Variants in RALGAPA1 observed in about 807,000 individuals in gnomAD.
The protein encoded by RALGAPA1 is ral GTPase-activating protein subunit alpha-1.
In RALGAPA1, 52 loss-of-function variants were observed where a neutral mutation model predicts 269.6. The ratio of observed to expected loss-of-function variants is 0.19; its 90% confidence interval spans 0.15 to 0.24. RALGAPA1 has a LOEUF of 0.24. RALGAPA1 is among the 10% of genes least tolerant of loss of function. The probability of loss-of-function intolerance (pLI) is 1.00; values close to 1 mark genes in which losing one functional copy is unlikely to be tolerated. For missense variants in RALGAPA1, 1,917 were observed against 3,013.9 expected, an observed-to-expected ratio of 0.64 and a Z score of 8.52; for synonymous variants, 817 against 1,008.3, an observed-to-expected ratio of 0.81 and a Z score of 3.60.
intron 39 of RALGAPA1, among the ~76,000 whole-genome samples, chr14:35,556,711 T>C (rs1237251652): frequency 6.6e-6 from 1 of 152,188 alleles, no homozygotes; most frequent in African/African-American, 2.4e-5. Context: ...CAAGTCTATA[T>C]TGTTTTCACT....
intron 4 of RALGAPA1, among the ~76,000 whole-genome samples, chr14:35,770,311 C>T (rs926352503): frequency 1.2e-4 from 19 of 152,238 alleles, no homozygotes; most frequent in Middle Eastern, 3.4e-3. Flanking sequence ...GCTAAAATCA[C>T]ATATAATGGT....
chr14:35,764,535 T>A (rs1279317253), intron 4 of RALGAPA1, among the ~76,000 whole-genome samples: 1 of 151,932 alleles, frequency 6.6e-6, no homozygotes, highest in Non-Finnish European at 1.5e-5. Context: ...TAAGTTTTAT[T>A]TATTTATTTA....
chr14:35,673,028 A>G lies in RALGAPA1; in HGVS notation c.4918-6T>C. The G allele has an allele frequency of 6.9e-7, 1 of 1,457,356 alleles. No individual in the cohort carries two copies. Among genetic ancestry groups the G allele is most frequent in the East Asian group, 2.6e-5 (1 of 38,588 alleles). The allele number at this position is 1,457,356 out of a possible 1,614,324, so 90.3% of individuals were successfully genotyped here. A position where few individuals can be genotyped will look rare whatever the true frequency, so the allele number is the denominator to read the frequency against. ...TTATCAGTCAACATGGTTGCCTAAA[A>G]TTAAAAGATCAGTTTTAATGTTCAA... On this transcript the variant is annotated splice_polypyrimidine_tract_variant and splice_region_variant and intron_variant, in intron 24 of 41. Coordinates refer to ENST00000680220, the MANE Select transcript of RALGAPA1 (RefSeq NM_001346249.2).
rs373460239 is a variant in RALGAPA1, at chr14:35,756,881, G to A, written c.575C>T (p.Pro192Leu). Residue 192 changes from proline to leucine, a missense_variant, in exon 7 of 42, where the codon CCT (proline) becomes CTT (leucine). Physicochemically the swap from Pro to Leu is moderately conservative, Grantham distance 98 (BLOSUM62 -3). This residue lies in a region of RALGAPA1 where 462 missense variants were observed against 725.6 expected (regional missense o/e 0.64). Coordinates refer to ENST00000680220, the MANE Select transcript of RALGAPA1 (RefSeq NM_001346249.2). Reference sequence around the variant, plus strand: ...ATCTCCTGATTGTGGGGGGACAAGAGGAGTGATTTCTTCTATAGTGACTTG... The same window carrying A: ...ATCTCCTGATTGTGGGGGGACAAGAAGAGTGATTTCTTCTATAGTGACTTG... ...ETQVTIEEITPLVPPQSGDKG... is the reference protein window; with the variant it reads ...ETQVTIEEITLLVPPQSGDKG... 3.0e-5 allele frequency: 49 copies of A among 1,610,424 alleles called. No individual in the cohort carries two copies. Among genetic ancestry groups the A allele is most frequent in the Non-Finnish European group, 4.0e-5 (47 of 1,178,232 alleles).
At chr14:35,644,925 A>G (rs2062293178) in intron 31 of RALGAPA1, among the ~76,000 whole-genome samples, 1 of 152,196 alleles carries the variant, frequency 6.6e-6, no homozygotes, top group Non-Finnish European at 1.5e-5. Flanking sequence ...AAAATAAAAT[A>G]AGAATTGGAG....
chr14:35,541,916 A>T, intron 41 of RALGAPA1: 1 of 633,526 alleles, frequency 1.6e-6, no homozygotes, highest in Non-Finnish European at 2.5e-6. Context: ...TTAACTGAGG[A>T]GCAGAGAGAG....
intron 1 of RALGAPA1, among the ~76,000 whole-genome samples, chr14:35,793,635 AT>A (rs1567243572): frequency 6.6e-6 from 1 of 152,172 alleles, no homozygotes; most frequent in Non-Finnish European, 1.5e-5. Context: ...AATTAAAAAA[AT>A]GTTTTAACCA....
chr14:35,686,420 T>C, intron 19 of RALGAPA1, 122 bp downstream of exon 19: 1 of 738,456 alleles, frequency 1.4e-6, no homozygotes, highest in Non-Finnish European at 2.0e-6. Context: ...GGGTTATATT[T>C]TGAGGAAAGG....
At position 35,728,406 on chromosome 14, in the gene RALGAPA1, A is replaced by C. The variant is rs751166945; in HGVS notation, c.1692T>G (p.Ile564Met). The change falls in exon 13 of 42, where the codon ATT (isoleucine) becomes ATG (methionine). Residue 564 changes from isoleucine (I) to methionine (M), a missense_variant. Physicochemically the swap from Ile to Met is conservative, Grantham distance 10. This residue lies in a region of RALGAPA1 where 462 missense variants were observed against 725.6 expected (regional missense o/e 0.64). Transcript: ENST00000680220. ...ATACTTGTACAACCATGTACCGATA[A>C]ATGTTAAGAATGCGTTTACACATAT... The part of the protein sequence containing the change: ...HTDMCKRILN[I>M]YRYMVVQVSM... The C allele has an allele frequency of 3.1e-6, 5 of 1,596,538 alleles. No individual in the cohort carries two copies. The Middle Eastern group carries it at 8.8e-4, about 280-fold the overall frequency.
intron 36 of RALGAPA1, among the ~76,000 whole-genome samples, chr14:35,602,208 T>C (rs1229971453): frequency 6.6e-6 from 1 of 152,206 alleles, no homozygotes; most frequent in African/African-American, 2.4e-5. Flanking sequence ...GTTTAGCCAT[T>C]CATCCATTGA....
intron 19 of RALGAPA1, 88 bp from the exon 20 acceptor site, chr14:35,685,233 T>A: frequency 8.5e-7 from 1 of 1,180,536 alleles, no homozygotes; most frequent in South Asian, 1.6e-5. Context: ...ACCATCACAA[T>A]AAATGCTGAG....
intron 1 of RALGAPA1, among the ~76,000 whole-genome samples, chr14:35,794,246 G>T (rs528048852): frequency 6.6e-6 from 1 of 152,054 alleles, no homozygotes; most frequent in African/African-American, 2.4e-5. Context: ...AGGTCGAGGC[G>T]GTCAGATAAC....
At chr14:35,769,693 G>A (rs1260913738) in intron 4 of RALGAPA1, among the ~76,000 whole-genome samples, 1 of 151,950 alleles carries the variant, frequency 6.6e-6, no homozygotes, top group African/African-American at 2.4e-5. Context: ...ATTACTCTAA[G>A]GAATAACTTG....
At chr14:35,765,077 T>G (rs2074036793) in intron 4 of RALGAPA1, among the ~76,000 whole-genome samples, 1 of 152,188 alleles carries the variant, frequency 6.6e-6, no homozygotes, top group African/African-American at 2.4e-5. Context: ...TAGTACTATT[T>G]CGGGATTTAT....
At chr14:35,631,429 A>G (rs1188966886) in intron 33 of RALGAPA1, among the ~76,000 whole-genome samples, 1 of 152,212 alleles carries the variant, frequency 6.6e-6, no homozygotes, top group Non-Finnish European at 1.5e-5. Context: ...TCAATGGAAA[A>G]AAATCAAGAC....
intron 35 of RALGAPA1, among the ~76,000 whole-genome samples, chr14:35,609,292 C>T (rs1314660307): frequency 6.6e-6 from 1 of 150,746 alleles, no homozygotes; most frequent in Admixed American, 6.6e-5. Context: ...TGAAATCATG[C>T]AAGGTATATT....
rs1184897942 is a variant in RALGAPA1 at position 35,742,546 on chromosome 14, C to T, written c.1271G>A (p.Cys424Tyr). 4 of 1,606,446 alleles carry T rather than the reference C, an allele frequency of 2.5e-6. No individual in the cohort carries two copies. Among genetic ancestry groups the T allele is most frequent in the Non-Finnish European group, 2.6e-6 (3 of 1,175,046 alleles). Residue 424 changes from cysteine to tyrosine, a missense_variant, in exon 11 of 42, where the codon TGT becomes TAT. By Grantham distance (194) the Cys-to-Tyr change is radical. Coordinates refer to ENST00000680220, the MANE Select transcript of RALGAPA1 (RefSeq NM_001346249.2). ...CACTTTTCTCATAGCTGCTGCTTCA[C>T]AAATTGGTAATAAAAATGCCTAGGG... ...IFRQAFLLPI[C>Y]EAAAMRKVVK... is the part of the protein sequence containing the mutation.
intron 36 of RALGAPA1, among the ~76,000 whole-genome samples, chr14:35,603,655 C>T (rs182481473): frequency 3.2e-3 from 486 of 152,242 alleles, no homozygotes; most frequent in African/African-American, 0.011. Flanking sequence ...CAATGCAATA[C>T]TATTCAGCCA....
At chr14:35,643,493 C>G (rs1264010014) in intron 31 of RALGAPA1, among the ~76,000 whole-genome samples, 1 of 152,018 alleles carries the variant, frequency 6.6e-6, no homozygotes, top group African/African-American at 2.4e-5. Flanking sequence ...AAAAAACTAA[C>G]AAAGATAACT....
Sources: gnomAD v4.1 joint callset for allele counts (sites outside exome capture counted in the v4.1 genomes callset) on GRCh38, gnomAD v4.1.1 for gene constraint, gnomAD v4.1.1 regional missense constraint, MANE v1.5 for transcripts, NCBI Gene and HGNC (gene_info 2026-07-23, HGNC 2026-07-21) for gene names.